The following OVCH2 variants were observed in gnomAD, a reference collection of about 807,000 sequenced individuals.
The protein encoded by OVCH2 is ovochymase-2.
A neutral mutation model predicts 73.7 loss-of-function variants in OVCH2; 88 were observed. The ratio of observed to expected loss-of-function variants is 1.19; its 90% CI spans 1.01 to 1.43. OVCH2 has a LOEUF of 1.43. Among genes scored for constraint, OVCH2 ranks in the 40% most tolerant of loss-of-function variants. OVCH2 has a pLI of 0.00. For synonymous variants in OVCH2, 265 were observed against 234.5 expected (o/e 1.13, Z -1.19); for missense variants, 706 against 674.5 (o/e 1.05, Z -0.52).
At chr11:7,698,292 A>T (rs1050338294) in intron 8 of OVCH2, among the ~76,000 whole-genome samples, 2 of 152,210 alleles carry the variant, frequency 1.3e-5, no homozygotes, top group Non-Finnish European at 2.9e-5. Context: ...GATTTGAACT[A>T]AAGTGTCTTA....
In OVCH2 at chr11:7,702,142, T is replaced by C. The variant is rs770165080; in HGVS notation, c.463+15A>G. 1.6e-5 allele frequency: 26 copies of C among 1,585,840 alleles called. No homozygotes were observed. Among genetic ancestry groups the C allele is most frequent in the South Asian group, 2.2e-5 (2 of 89,998 alleles). On this transcript the variant is annotated intron_variant, in intron 4 of 15. Transcript: ENST00000533663. ...ACATGGGGTAGACAATTCAGTATGATCCTCAAATGTTTACCAAATTGGAAG... is the reference window on the plus strand; with the variant it reads ...ACATGGGGTAGACAATTCAGTATGACCCTCAAATGTTTACCAAATTGGAAG...
chr11:7,693,145 G>A (rs2136152275), intron 12 of OVCH2, among the ~76,000 whole-genome samples: 1 of 152,312 alleles, frequency 6.6e-6, no homozygotes, highest in South Asian at 2.1e-4. Context: ...GGGAGAGAGG[G>A]CTGATGAAAT....
chr11:7,685,309 G>A (rs1203329549), downstream of OVCH2, among the ~76,000 whole-genome samples: 1 of 152,100 alleles, frequency 6.6e-6, no homozygotes, highest in East Asian at 1.9e-4. Flanking sequence ...AACCCATGAG[G>A]GCTACAGGAC....
chr11:7,706,235 T>C, intron 1 of OVCH2, 72 bp downstream of exon 1: 1 of 1,385,280 alleles, frequency 7.2e-7, no homozygotes, highest in Non-Finnish European at 9.9e-7. Flanking sequence ...GAACATGGAG[T>C]CTCGGAGTTG....
chr11:7,684,161 T>A, the OVCH2 span, among the ~76,000 whole-genome samples: 5 of 152,124 alleles, frequency 3.3e-5, no homozygotes, highest in African/African-American at 1.2e-4. Context: ...GGATGAGATG[T>A]CCTTGAGGAT....
At chr11:7,699,447 C>T (rs1856394326) in intron 7 of OVCH2, 1 of 152,228 alleles carries the variant, frequency 6.6e-6, no homozygotes, top group Non-Finnish European at 1.5e-5. Flanking sequence ...CATGTCTTCC[C>T]CTATGTAGCA....
chr11:7,698,823 A>C (rs1419525999), intron 7 of OVCH2, 50 bp from the exon 8 acceptor site: 3 of 1,592,290 alleles, frequency 1.9e-6, no homozygotes, highest in Non-Finnish European at 2.6e-6. Context: ...TATCCTGAAC[A>C]ACGCTTCAAG....
chr11:7,681,037 AC>A, the OVCH2 span, among the ~76,000 whole-genome samples: 3 of 152,102 alleles, frequency 2.0e-5, no homozygotes, highest in African/African-American at 7.2e-5. Flanking sequence ...TTGTAAGCAG[AC>A]CACCCACTCC....
downstream of OVCH2, among the ~76,000 whole-genome samples, chr11:7,687,308 AAATAATAATAAT>A (rs71059120): frequency 7.1e-4 from 94 of 132,514 alleles, 1 homozygote; most frequent in African/African-American, 1.4e-3. Context: ...ATGGCTGTGG[AAATAATAATAAT>A]AATAATAATA....
At chr11:7,699,391 C>G (rs1290739540) in intron 7 of OVCH2, 1 of 152,378 alleles carries the variant, frequency 6.6e-6, no homozygotes, top group Non-Finnish European at 1.5e-5. Context: ...TCCGAGGATG[C>G]TCAAATCCTT....
At chr11:7,697,646 G>C (rs1046282918) in intron 8 of OVCH2, among the ~76,000 whole-genome samples, 13 of 152,122 alleles carry the variant, frequency 8.5e-5, no homozygotes, top group Admixed American at 2.6e-4. Flanking sequence ...CAAAACTTTG[G>C]TACTATCTTC....
downstream of OVCH2, among the ~76,000 whole-genome samples, chr11:7,685,425 G>A (rs1856132031): frequency 6.6e-6 from 1 of 150,882 alleles, no homozygotes. Context: ...CCCACCTGCT[G>A]AGGAGGCCCC....
At chr11:7,691,112 G>T in intron 14 of OVCH2, 157 bp downstream of exon 14, 1 of 910,360 alleles carries the variant, frequency 1.1e-6, no homozygotes, top group Non-Finnish European at 1.6e-6. Flanking sequence ...AGGGATGGCT[G>T]AGTATTCTCT....
intron 6 of OVCH2, among the ~76,000 whole-genome samples, 173 bp downstream of exon 6, chr11:7,701,151 C>T (rs1404786218): frequency 6.6e-6 from 1 of 152,180 alleles, no homozygotes; most frequent in Non-Finnish European, 1.5e-5. Flanking sequence ...ATTTTTCTCA[C>T]ACATTTAACT....
At chr11:7,685,245 G>A (rs1362826669), downstream of OVCH2, among the ~76,000 whole-genome samples, 2 of 152,130 alleles carry the variant, frequency 1.3e-5, no homozygotes, top group Non-Finnish European at 2.9e-5. Context: ...CAGAATGGGA[G>A]GGAGAAAAAC....
At chr11:7,696,851 C>G in intron 8 of OVCH2, 52 bp from the exon 9 acceptor site, 1 of 1,517,894 alleles carries the variant, frequency 6.6e-7, no homozygotes, top group Non-Finnish European at 8.9e-7. Context: ...TTAACCACAG[C>G]AGCCCCTCCC....
intron 11 of OVCH2, 54 bp from the exon 12 acceptor site, chr11:7,695,242 T>G: frequency 6.7e-7 from 1 of 1,491,276 alleles, no homozygotes; most frequent in East Asian, 2.5e-5. Context: ...AAAGAAGAAT[T>G]CTCACTGCTC....
At position 7,696,510 on chromosome 11, in the gene OVCH2, G is replaced by A; in HGVS notation, c.1096C>T (p.His366Tyr). 1 of 1,613,974 alleles carries A rather than the reference G, an allele frequency of 6.2e-7. No individual in the cohort carries two copies. Among genetic ancestry groups the A allele is most frequent in the Non-Finnish European group, 8.5e-7 (1 of 1,179,868 alleles). Residue 366 changes from histidine (H) to tyrosine (Y), a missense_variant, in exon 10 of 16, where the codon CAC (histidine) becomes TAC (tyrosine). Physicochemically the swap from His to Tyr is moderately conservative, Grantham distance 83 (BLOSUM62 2). Transcript: ENST00000533663. Reference protein sequence around the residue: ...SFSHLDVESCHHSYLSMYSLE... With the variant: ...SFSHLDVESCYHSYLSMYSLE... ...GAATACATTGACAGGTAACTGTGGT[G>A]ACAAGACTCAACATCTAGGTGGGAA...
chr11:7,706,387 A>G lies in OVCH2; in HGVS notation c.8T>C (p.Ile3Thr), dbSNP rs76617340. Reference sequence around the variant, plus strand: ...TAGTAAAATCAGCTTGTTCCTGCTTATAAGCATTTTGAGACTCATAGTTTT... The same window carrying G: ...TAGTAAAATCAGCTTGTTCCTGCTTGTAAGCATTTTGAGACTCATAGTTTT... ML[I>T]SRNKLILLLG... The change falls in exon 1 of 16, where the codon ATA becomes ACA. Residue 3 changes from isoleucine to threonine, a missense_variant. Coordinates refer to ENST00000533663, the MANE Select transcript of OVCH2 (RefSeq NM_198185.7). The G allele has an allele frequency of 2.7e-4, 417 of 1,572,570 alleles. 3 individuals are homozygous for G. In the East Asian group the frequency reaches 9.2e-3, roughly 35 times the overall value.
Sources: allele counts gnomAD v4.1 joint callset (sites outside exome capture counted in the v4.1 genomes callset), GRCh38; gene constraint gnomAD v4.1.1; transcripts MANE v1.5; gene names NCBI Gene and HGNC (gene_info 2026-07-23, HGNC 2026-07-21).